Variants in JDP2 observed in about 807,000 individuals in gnomAD.
JDP2 encodes progesterone receptor co-activator.
A neutral mutation model predicts 17.1 loss-of-function variants in JDP2; 9 were observed. The ratio of observed to expected loss-of-function variants is 0.53; its 90% CI spans 0.32 to 0.92. The LOEUF (loss-of-function observed/expected upper bound fraction) is 0.92. JDP2 is among the 40% of genes least tolerant of loss of function. The probability of loss-of-function intolerance (pLI) is 0.04; values close to 1 mark genes in which losing one functional copy is unlikely to be tolerated. For missense variants in JDP2, 179 were observed against 220.0 expected (o/e 0.81, Z 1.18); for synonymous variants, 107 against 95.6 (o/e 1.12, Z -0.69).
chr14:75,440,176 A>C (rs1885272024), intron 2 of JDP2, among the ~76,000 whole-genome samples: 1 of 152,216 alleles, frequency 6.6e-6, no homozygotes, highest in Non-Finnish European at 1.5e-5. Flanking sequence ...CCAGGCCGCA[A>C]AAATAACAAG....
At chr14:75,460,211 C>A (rs566096432) in intron 2 of JDP2, among the ~76,000 whole-genome samples, 14 of 152,190 alleles carry the variant, frequency 9.2e-5, no homozygotes, top group Non-Finnish European at 1.9e-4. Context: ...TCGTATTTCA[C>A]GCATGGTGAG....
intron 2 of JDP2, among the ~76,000 whole-genome samples, chr14:75,443,866 A>C (rs1885470001): frequency 6.6e-6 from 1 of 152,108 alleles, no homozygotes; most frequent in African/African-American, 2.4e-5. Flanking sequence ...TAATATCTTA[A>C]AGTGAGGATA....
At position 75,438,139 on chromosome 14, in the gene JDP2, C is replaced by T. The variant is rs763953732; in HGVS notation, c.201+18C>T. The T allele has an allele frequency of 6.3e-6, 10 of 1,576,456 alleles. 1 individual carries two copies. The highest frequency in any genetic ancestry group is 5.8e-5 in the South Asian group (5 of 86,384). ...AAAGTGAGGTGAGCGAGCCTTTTAC[C>T]CCTGGCAGATTCCAGGTCTGGCCTT... On this transcript the variant is annotated intron_variant, in intron 2 of 3. Transcript: ENST00000651602.
intron 2 of JDP2, among the ~76,000 whole-genome samples, chr14:75,456,577 C>T (rs1886116446): frequency 6.6e-6 from 1 of 152,182 alleles, no homozygotes; most frequent in Non-Finnish European, 1.5e-5. Context: ...CCCCCTTTCC[C>T]TCTCTTTGCC....
intron 2 of JDP2, among the ~76,000 whole-genome samples, chr14:75,451,414 G>A (rs1885858324): frequency 6.6e-6 from 1 of 152,210 alleles, no homozygotes; most frequent in South Asian, 2.1e-4. Flanking sequence ...GGGGTGTGGG[G>A]AGGCAGGTAG....
chr14:75,430,486 GTA>G lies in JDP2; in HGVS notation c.-24+2236_-24+2237del, dbSNP rs1297480684. Among the ~76,000 whole-genome samples, 5 of 152,164 alleles carry G rather than the reference GTA, an allele frequency of 3.3e-5. No homozygotes were observed. Among genetic ancestry groups the G allele is most frequent in the African/African-American group, 1.2e-4 (5 of 41,416 alleles). ...AGAAAAATGGAGTGAGTGTATATGG[GTA>G]TGTGTGTGTGCATACCTATATAGGC... On this transcript the variant is annotated intron_variant, in intron 1 of 3. Transcript: ENST00000651602. This position sits in a 1 kb window ranked among gnomAD's most constrained non-coding sequence, Gnocchi z 4.5.
At chr14:75,462,833 C>CA (rs1886400358) in intron 3 of JDP2, among the ~76,000 whole-genome samples, 1 of 152,030 alleles carries the variant, frequency 6.6e-6, no homozygotes, top group Non-Finnish European at 1.5e-5. Flanking sequence ...CGTGTATCTA[C>CA]CTCCAGGCTG....
intron 3 of JDP2, among the ~76,000 whole-genome samples, chr14:75,468,533 C>T (rs138005416): frequency 5.9e-5 from 9 of 152,312 alleles, no homozygotes; most frequent in Non-Finnish European, 8.8e-5. Context: ...ATGTAACCCT[C>T]GCCACCTCCC....
intron 1 of JDP2, among the ~76,000 whole-genome samples, chr14:75,437,259 T>TG (rs1210766468): frequency 1.3e-5 from 2 of 152,088 alleles, no homozygotes; most frequent in African/African-American, 4.8e-5. Flanking sequence ...CCACCTGCTT[T>TG]GCCTCAGTCC....
chr14:75,442,335 A>G (rs775492049), intron 2 of JDP2, among the ~76,000 whole-genome samples: 22 of 152,170 alleles, frequency 1.4e-4, no homozygotes, highest in African/African-American at 3.6e-4. Flanking sequence ...ACACAACAAG[A>G]GGTTGGAGCT....
chr14:75,469,334 G>C lies in JDP2; in HGVS notation c.351G>C (p.Gln117His). 1 of 1,614,216 alleles carries C rather than the reference G, an allele frequency of 6.2e-7. No homozygotes were observed. Among genetic ancestry groups the C allele is most frequent in the Non-Finnish European group, 8.5e-7 (1 of 1,180,030 alleles). Residue 117 changes from glutamine to histidine, a missense_variant, in exon 4 of 4, where the codon CAG becomes CAC. Transcript: ENST00000651602. ...TCATGAACGCAGAGCTGAAGACCCA[G>C]ATTGAGGAGCTGAAGCAGGAGCGGC... is the stretch of plus-strand genomic sequence containing the variant. ...LELMNAELKT[Q>H]IEELKQERQQ... is the part of the protein sequence containing the mutation.
At chr14:75,427,317 C>T (rs1261912636), upstream of JDP2, 2 of 152,524 alleles carry the variant, frequency 1.3e-5, no homozygotes, top group Non-Finnish European at 2.9e-5. This position sits in a 1 kb window ranked among gnomAD's most constrained non-coding sequence, Gnocchi z 4.4. Context: ...GGCTGCAGCC[C>T]TAGCAGAGGT....
In JDP2 at chr14:75,432,355, C is replaced by G. The variant is rs1281944044; in HGVS notation, c.-24+4103C>G. 6 of 1,550,750 alleles carry G rather than the reference C, an allele frequency of 3.9e-6. No homozygotes were observed. In the Admixed American group the frequency reaches 1.2e-4, roughly 30 times the overall value. ...GTAGCAGGTACTATGCGCCATGACC[C>G]CTGGCCTGGCACCTTTCTGACCTTC... On this transcript the variant is annotated intron_variant, in intron 1 of 3. Coordinates refer to ENST00000651602, the MANE Select transcript of JDP2 (RefSeq NM_001135048.2).
rs1267511154 is a variant in JDP2 at position 75,428,045 on chromosome 14, G to C, written c.-231G>C. ...CCGCCGCCCGCCACAGCCTGCGGGA[G>C]GGACGCTCGGCGGCCGCGACGGGGG... On this transcript the variant is annotated 5_prime_UTR_variant, in exon 1 of 4. Transcript: ENST00000651602. This position sits in a 1 kb window ranked among gnomAD's most constrained non-coding sequence, Gnocchi z 5.6. 12 of 149,886 alleles carry C rather than the reference G, an allele frequency of 8.0e-5. No individual in the cohort carries two copies. Among genetic ancestry groups the C allele is most frequent in the Non-Finnish European group, 1.6e-4 (11 of 67,270 alleles). 9.3% of individuals were successfully genotyped at this position (149,886 alleles called of 1,614,324 possible). A position where few individuals can be genotyped will look rare whatever the true frequency, so the allele number is the denominator to read the frequency against.
At chr14:75,455,316 G>T (rs1342673312) in intron 2 of JDP2, among the ~76,000 whole-genome samples, 5 of 152,170 alleles carry the variant, frequency 3.3e-5, no homozygotes, top group Non-Finnish European at 7.4e-5. Flanking sequence ...ATGACCACGA[G>T]CCCTGTAGGA....
At chr14:75,437,153 C>A (rs1409957052) in intron 1 of JDP2, among the ~76,000 whole-genome samples, 4 of 145,248 alleles carry the variant, frequency 2.8e-5, no homozygotes, top group Non-Finnish European at 4.5e-5. Context: ...GAGATCGTGC[C>A]ACTGCACTCC....
chr14:75,452,544 G>A (rs1052194681), intron 2 of JDP2, among the ~76,000 whole-genome samples: 2 of 152,202 alleles, frequency 1.3e-5, no homozygotes, highest in African/African-American at 4.8e-5. Flanking sequence ...ATCAGCAGCC[G>A]TGGGCCAGTG....
intron 2 of JDP2, among the ~76,000 whole-genome samples, 170 bp from the exon 3 acceptor site, chr14:75,461,256 G>T (rs758369777): frequency 5.9e-5 from 9 of 152,108 alleles, no homozygotes; most frequent in Non-Finnish European, 1.2e-4. Context: ...CCTTGGACTG[G>T]CTGGGAGGTA....
In JDP2 at chr14:75,430,200, G is replaced by A. The variant is rs566447941; in HGVS notation, c.-24+1948G>A. Among the ~76,000 whole-genome samples the A allele has an allele frequency of 3.3e-5, 5 of 152,256 alleles. No homozygotes were observed. In the South Asian group the frequency reaches 8.3e-4, roughly 25 times the overall value. On this transcript the variant is annotated intron_variant, in intron 1 of 3. Transcript: ENST00000651602. The surrounding 1 kb of genome is among the most constrained non-coding windows in gnomAD (Gnocchi z 4.5). The stretch of plus-strand genomic sequence containing the variant: ...AATCCCTGGCAGGAATAGGCTCTCT[G>A]GGCCTTGTTTGTCGTGGGGCTACTG...
Sources: gnomAD v4.1 joint callset for allele counts (sites outside exome capture counted in the v4.1 genomes callset) on GRCh38, gnomAD v4.1.1 for gene constraint, Gnocchi (gnomAD v3.1) non-coding constraint, MANE v1.5 for transcripts, NCBI Gene and HGNC (gene_info 2026-07-23, HGNC 2026-07-21) for gene names.